The following ABCB7 variants were observed in gnomAD, a reference collection of about 807,000 sequenced individuals.
ABCB7 encodes the protein iron-sulfur clusters transporter ABCB7, mitochondrial.
Under a neutral mutation model 54.4 loss-of-function variants are expected in ABCB7, and 7 were observed. The ratio of observed to expected loss-of-function variants is 0.13; its 90% CI spans 0.07 to 0.24. ABCB7 has a LOEUF of 0.24. Ranked by LOEUF, ABCB7 falls within the 10% of genes least tolerant of loss-of-function variation. ABCB7 has a pLI of 1.00. For missense variants in ABCB7, 356 were observed against 570.4 expected (o/e 0.62, Z 3.83); for synonymous variants, 218 against 207.1 (o/e 1.05, Z -0.45).
intron 1 of ABCB7, among the ~76,000 whole-genome samples, chrX:75,129,639 C>T (rs1323866526): frequency 2.8e-5 from 3 of 107,780 alleles, no homozygotes; most frequent in Non-Finnish European, 5.7e-5. Context: ...TACCTTCCCA[C>T]CATCATCCAC....
intron 3 of ABCB7, among the ~76,000 whole-genome samples, chrX:75,108,596 C>A (rs1424920616): frequency 5.1e-4 from 51 of 99,717 alleles, no homozygotes; most frequent in Non-Finnish European, 7.1e-4. Flanking sequence ...AAAAAAAAAA[C>A]CACAATGGTA....
intron 1 of ABCB7, among the ~76,000 whole-genome samples, chrX:75,136,125 T>A (rs1157321226): frequency 9.0e-6 from 1 of 111,377 alleles, no homozygotes; most frequent in Non-Finnish European, 1.9e-5. Context: ...GACTCCTATA[T>A]GTGATAAACA....
At chrX:75,074,805 A>G (rs1226714804) in intron 6 of ABCB7, among the ~76,000 whole-genome samples, 1 of 111,393 alleles carries the variant, frequency 9.0e-6, no homozygotes, top group Non-Finnish European at 1.9e-5. Context: ...ACACACAGAC[A>G]CAATGAGGGG....
intron 4 of ABCB7, among the ~76,000 whole-genome samples, chrX:75,083,241 C>T (rs1282227003): frequency 9.0e-6 from 1 of 111,274 alleles, no homozygotes; most frequent in Non-Finnish European, 1.9e-5. Context: ...GTGTCCTTAA[C>T]CTCTACCCAA....
At chrX:75,091,472 CTTAAAG>C (rs774028984) in intron 4 of ABCB7, among the ~76,000 whole-genome samples, 35 of 110,742 alleles carry the variant, frequency 3.2e-4, no homozygotes, top group Middle Eastern at 4.7e-3. Context: ...TATAAAAAAC[CTTAAAG>C]TTAACAACAT....
Position 75,071,926 on chromosome X carries a change from G to A in ABCB7, c.1033-243C>T, listed in dbSNP as rs778277256. On this transcript the variant is annotated intron_variant, in intron 8 of 15. Coordinates refer to ENST00000373394, the MANE Select transcript of ABCB7 (RefSeq NM_001271696.3). ...CTGAATGCTTATCTAATTGCAACCC[G>A]ACCTAAAACAAAATCTTCAATGACA... Among the ~76,000 whole-genome samples the A allele has an allele frequency of 9.0e-5, 10 of 110,795 alleles. No individual in the cohort carries two copies. The South Asian group carries it at 2.7e-3, about 30-fold the overall frequency.
chrX:75,100,868 A>G (rs1327940152), intron 3 of ABCB7, among the ~76,000 whole-genome samples: 1 of 111,940 alleles, frequency 8.9e-6, no homozygotes, highest in East Asian at 2.8e-4. Context: ...AAATTTAGCT[A>G]TAAGGTTGTT....
chrX:75,146,691 T>C (rs1161827318), intron 1 of ABCB7, among the ~76,000 whole-genome samples: 5 of 111,753 alleles, frequency 4.5e-5, no homozygotes, highest in Non-Finnish European at 3.8e-5. Flanking sequence ...AAGACTTACA[T>C]GTAAAATCCA....
At chrX:75,057,847 G>A (rs1402681170) in intron 15 of ABCB7, among the ~76,000 whole-genome samples, 1 of 110,415 alleles carries the variant, frequency 9.1e-6, no homozygotes, top group Non-Finnish European at 1.9e-5. Flanking sequence ...AGTAGTGATG[G>A]TAAAAATAAA....
chrX:75,128,301 TACA>T (rs1294295607), intron 1 of ABCB7, among the ~76,000 whole-genome samples: 2 of 111,240 alleles, frequency 1.8e-5, no homozygotes, highest in Middle Eastern at 4.6e-3. Flanking sequence ...ACCACACATC[TACA>T]ACCATCTGAT....
intron 1 of ABCB7, among the ~76,000 whole-genome samples, chrX:75,147,184 T>C (rs766563487): frequency 2.7e-5 from 3 of 111,285 alleles, no homozygotes; most frequent in Non-Finnish European, 5.7e-5. Context: ...CTGGTGAGGT[T>C]ATGAAGAAAA....
At chrX:75,117,249 C>G (rs1404946862) in intron 1 of ABCB7, among the ~76,000 whole-genome samples, 1 of 110,476 alleles carries the variant, frequency 9.1e-6, no homozygotes, top group Non-Finnish European at 1.9e-5. Flanking sequence ...TGAGGAAACC[C>G]TCGACCTAAA....
intron 3 of ABCB7, among the ~76,000 whole-genome samples, chrX:75,111,753 C>G (rs1331313784): frequency 8.9e-6 from 1 of 112,227 alleles, no homozygotes; most frequent in Non-Finnish European, 1.9e-5. Context: ...TTTACTGGAG[C>G]AGAAAGAAAC....
At chrX:75,128,573 G>A (rs1376791736) in intron 1 of ABCB7, among the ~76,000 whole-genome samples, 2 of 111,490 alleles carry the variant, frequency 1.8e-5, no homozygotes, top group Admixed American at 9.5e-5. Flanking sequence ...CAAAAGCAAA[G>A]GCAACAAAAG....
chrX:75,053,268 G>T lies in ABCB7; in HGVS notation c.*102C>A, dbSNP rs759003786. On this transcript the variant is annotated 3_prime_UTR_variant, in exon 16 of 16. Transcript: ENST00000373394. ...TTAAATAAATCTTATCTAAAAGAAG[G>T]ATTATAGAAAATGGGAATGTATGAT... is the stretch of plus-strand genomic sequence containing the variant. The T allele has an allele frequency of 8.6e-5, 88 of 1,023,381 alleles. No homozygotes were observed. The South Asian group carries it at 1.7e-3, about 20-fold the overall frequency. The allele number at this position is 1,023,381 out of a possible 1,213,427, so 84.3% of individuals were successfully genotyped here.
At chrX:75,057,012 A>T (rs1247911836) in intron 15 of ABCB7, among the ~76,000 whole-genome samples, 1 of 112,235 alleles carries the variant, frequency 8.9e-6, no homozygotes, top group Non-Finnish European at 1.9e-5. Context: ...TATGTTAGCA[A>T]TTTTATATGC....
chrX:75,087,982 G>C (rs1206623373), intron 4 of ABCB7, among the ~76,000 whole-genome samples: 1 of 111,964 alleles, frequency 8.9e-6, no homozygotes, highest in East Asian at 2.8e-4. Context: ...TCCTCTAGGA[G>C]ATAAAACATT....
At position 75,117,801 on chromosome X, in the gene ABCB7, C is replaced by G. The variant is rs1449431705; in HGVS notation, c.169-2970G>C. Among the ~76,000 whole-genome samples the G allele has an allele frequency of 3.6e-5, 4 of 111,597 alleles. No individual in the cohort carries two copies. The East Asian group carries it at 1.1e-3, about 32-fold the overall frequency. ...TCCCTTTGCTACTGGCAAGTGGCCA[C>G]CTGAACTCTTCAGTGTCGCTGCAAT... On this transcript the variant is annotated intron_variant, in intron 1 of 15. Coordinates refer to ENST00000373394, the MANE Select transcript of ABCB7 (RefSeq NM_001271696.3).
chrX:75,059,496 A>C (rs940946942), intron 15 of ABCB7, among the ~76,000 whole-genome samples: 1 of 110,487 alleles, frequency 9.1e-6, no homozygotes, highest in Non-Finnish European at 1.9e-5. Context: ...CAAAATGATA[A>C]AGAATTGAAG....
Sources: gnomAD v4.1 joint callset for allele counts (sites outside exome capture counted in the v4.1 genomes callset) on GRCh38, gnomAD v4.1.1 for gene constraint, MANE v1.5 for transcripts, NCBI Gene and HGNC (gene_info 2026-07-23, HGNC 2026-07-21) for gene names.